RGS21: variants seen among roughly 807,000 people sequenced by gnomAD.
RGS21 encodes the protein regulator of G protein signaling 21.
Under a neutral mutation model 18.7 loss-of-function variants are expected in RGS21, and 19 were observed. The observed-to-expected ratio is 1.01, with a 90% CI of 0.71 to 1.49. The LOEUF (loss-of-function observed/expected upper bound fraction) is 1.49. RGS21 is among the 40% of genes most tolerant of loss of function. The pLI is 0.00. For synonymous variants in RGS21, 56 were observed against 57.8 expected (o/e 0.97, Z 0.14); for missense variants, 194 against 176.8 (o/e 1.10, Z -0.55).
Position 192,341,734 on chromosome 1 carries a change from G to A in RGS21, c.-60-1243G>A, listed in dbSNP as rs902267360. On this transcript the variant is annotated intron_variant, in intron 1 of 4. Coordinates refer to ENST00000417209, the MANE Select transcript of RGS21 (RefSeq NM_001039152.3). Reference sequence around the variant, plus strand: ...TTTAATGTAAAATAAGCCTATTCCTGGCTCCTATTTCTTAAAGACTTTGCA... The same window carrying A: ...TTTAATGTAAAATAAGCCTATTCCTAGCTCCTATTTCTTAAAGACTTTGCA... Among the ~76,000 whole-genome samples, 62 of 148,228 alleles carry A rather than the reference G, an allele frequency of 4.2e-4. 1 individual carries two copies. The highest frequency in any genetic ancestry group is 1.4e-3 in the African/African-American group (57 of 40,234).
intron 4 of RGS21, among the ~76,000 whole-genome samples, chr1:192,359,643 A>ATG (rs541800064): frequency 0.012 from 1,511 of 126,512 alleles, 31 homozygotes; most frequent in Middle Eastern, 0.076. Flanking sequence ...ATATGTTTAT[A>ATG]TGTGTGTGTG....
chr1:192,354,311 C>T (rs1227338376), intron 4 of RGS21, among the ~76,000 whole-genome samples: 1 of 151,324 alleles, frequency 6.6e-6, no homozygotes, highest in African/African-American at 2.4e-5. Context: ...TTTAATCTAC[C>T]TGGAGAGTTA....
intron 4 of RGS21, among the ~76,000 whole-genome samples, chr1:192,363,486 A>C (rs986298030): frequency 1.3e-5 from 2 of 152,152 alleles, no homozygotes; most frequent in Non-Finnish European, 2.9e-5. Context: ...ATATTCCCAC[A>C]ACACCAGATA....
At chr1:192,333,597 T>C (rs1571452266) in intron 1 of RGS21, among the ~76,000 whole-genome samples, 1 of 136,450 alleles carries the variant, frequency 7.3e-6, no homozygotes, top group East Asian at 2.1e-4. Context: ...ATGTAAGGTA[T>C]GATCGTATTT....
chr1:192,324,069 T>C (rs1031675964), intron 1 of RGS21, among the ~76,000 whole-genome samples: 3 of 152,076 alleles, frequency 2.0e-5, no homozygotes, highest in African/African-American at 7.2e-5. Context: ...TAGCTACATA[T>C]AGAAAGAAAT....
chr1:192,329,110 A>T (rs549969716), intron 1 of RGS21, among the ~76,000 whole-genome samples: 1 of 152,102 alleles, frequency 6.6e-6, no homozygotes, highest in Non-Finnish European at 1.5e-5. Context: ...TTTCGATACA[A>T]TAAATCACAA....
intron 1 of RGS21, among the ~76,000 whole-genome samples, chr1:192,323,846 A>G (rs1212506915): frequency 2.0e-5 from 3 of 152,146 alleles, no homozygotes; most frequent in Non-Finnish European, 4.4e-5. Flanking sequence ...CTAAAGTTCC[A>G]AATCATATAA....
chr1:192,343,853 A>T (rs570502725), intron 2 of RGS21, among the ~76,000 whole-genome samples: 1 of 152,220 alleles, frequency 6.6e-6, no homozygotes, highest in Admixed American at 6.6e-5. Context: ...AATAAAAGGA[A>T]GAAAAAAAGA....
At chr1:192,335,768 CTGGG>C in intron 1 of RGS21, among the ~76,000 whole-genome samples, 1 of 152,170 alleles carries the variant, frequency 6.6e-6, no homozygotes, top group East Asian at 1.9e-4. Flanking sequence ...AAGACAAAAA[CTGGG>C]TAGAGAATTC....
intron 1 of RGS21, among the ~76,000 whole-genome samples, chr1:192,331,987 C>G (rs1297881485): frequency 6.6e-6 from 1 of 151,630 alleles, no homozygotes; most frequent in African/African-American, 2.4e-5. Context: ...AAAAATACAA[C>G]AGGGAAAATG....
chr1:192,351,662 T>TAA (rs1204240960), intron 3 of RGS21, among the ~76,000 whole-genome samples: 1 of 148,266 alleles, frequency 6.7e-6, no homozygotes, highest in Admixed American at 6.8e-5. Flanking sequence ...GCTATATATA[T>TAA]AACATATATA....
intron 3 of RGS21, among the ~76,000 whole-genome samples, chr1:192,349,865 C>A (rs1367489830): frequency 1.3e-5 from 2 of 152,126 alleles, no homozygotes; most frequent in Non-Finnish European, 2.9e-5. Context: ...TTTAGAAAAT[C>A]CTCCTAGGGA....
intron 2 of RGS21, 95 bp from the exon 3 acceptor site, chr1:192,347,217 GA>G: frequency 1.3e-6 from 1 of 751,756 alleles, no homozygotes; most frequent in Non-Finnish European, 2.4e-6. Context: ...TTAACAGCAT[GA>G]AGTTCATTTG....
chr1:192,342,575 C>A (rs1329064409), intron 1 of RGS21, among the ~76,000 whole-genome samples: 1 of 151,724 alleles, frequency 6.6e-6, no homozygotes, highest in Non-Finnish European at 1.5e-5. Flanking sequence ...TCCTCAGATT[C>A]TCTGAAAATC....
chr1:192,318,593 A>C (rs959230518), intron 1 of RGS21, among the ~76,000 whole-genome samples: 3 of 152,134 alleles, frequency 2.0e-5, no homozygotes, highest in African/African-American at 7.2e-5. Flanking sequence ...CCTAGGTCAG[A>C]TATCATTTAC....
At chr1:192,363,696 A>C (rs1659218355) in intron 4 of RGS21, among the ~76,000 whole-genome samples, 1 of 152,132 alleles carries the variant, frequency 6.6e-6, no homozygotes, top group Admixed American at 6.6e-5. Flanking sequence ...CATAAACTCT[A>C]CAAGACCTGG....
chr1:192,362,528 T>C (rs186237173), intron 4 of RGS21, among the ~76,000 whole-genome samples: 1 of 152,310 alleles, frequency 6.6e-6, no homozygotes, highest in East Asian at 1.9e-4. Flanking sequence ...CTTGAACAAC[T>C]TTAAGAAATA....
intron 1 of RGS21, among the ~76,000 whole-genome samples, chr1:192,339,260 G>C (rs1658817153): frequency 6.6e-6 from 1 of 151,514 alleles, no homozygotes; most frequent in East Asian, 1.9e-4. Context: ...CTTGCATCAA[G>C]ATAAAATATG....
intron 4 of RGS21, among the ~76,000 whole-genome samples, chr1:192,353,852 G>C (rs1659077889): frequency 6.6e-6 from 1 of 151,496 alleles, no homozygotes; most frequent in African/African-American, 2.4e-5. Flanking sequence ...TAATTAAATT[G>C]ATGGCTGCTT....
Sources: gnomAD v4.1 joint callset for allele counts (sites outside exome capture counted in the v4.1 genomes callset) on GRCh38, gnomAD v4.1.1 for gene constraint, MANE v1.5 for transcripts, NCBI Gene and HGNC (gene_info 2026-07-23, HGNC 2026-07-21) for gene names.